RAB2A: variants seen among roughly 807,000 people sequenced by gnomAD.
RAB2A encodes RAB2A, member RAS oncogene family.
RAB2A carries 7 observed loss-of-function variants against 32.5 expected under a neutral mutation model. The ratio of observed to expected loss-of-function variants is 0.22; its 90% CI spans 0.12 to 0.40. The LOEUF (loss-of-function observed/expected upper bound fraction) is 0.40. Among genes scored for constraint, RAB2A ranks in the 10% least tolerant of loss-of-function variants. The probability of loss-of-function intolerance (pLI) is 1.00; values close to 1 mark genes in which losing one functional copy is unlikely to be tolerated. For missense variants in RAB2A, 108 were observed against 260.7 expected, an observed-to-expected ratio of 0.41 and a Z score of 4.03; for synonymous variants, 79 against 85.2, an observed-to-expected ratio of 0.93 and a Z score of 0.40.
chr8:60,608,524 C>G (rs1290647399), intron 6 of RAB2A, among the ~76,000 whole-genome samples: 1 of 146,906 alleles, frequency 6.8e-6, no homozygotes, highest in Non-Finnish European at 1.5e-5. Flanking sequence ...TCTCCTTCTT[C>G]CTCTCCTTCT....
chr8:60,557,644 C>T (rs1427135627), intron 1 of RAB2A, among the ~76,000 whole-genome samples: 1 of 152,174 alleles, frequency 6.6e-6, no homozygotes, highest in Non-Finnish European at 1.5e-5. Flanking sequence ...GTGATCATAG[C>T]AGCCTTGAAC....
At chr8:60,532,355 CA>C (rs1264993537) in intron 1 of RAB2A, among the ~76,000 whole-genome samples, 1 of 152,046 alleles carries the variant, frequency 6.6e-6, no homozygotes, top group Non-Finnish European at 1.5e-5. Flanking sequence ...TTACTTGACA[CA>C]AAAATTAATA....
intron 1 of RAB2A, among the ~76,000 whole-genome samples, chr8:60,541,297 G>A (rs750099093): frequency 1.3e-5 from 2 of 152,050 alleles, no homozygotes; most frequent in Non-Finnish European, 1.5e-5. Context: ...CTTAAAGAAG[G>A]CCTGACAATT....
chr8:60,546,371 C>T (rs1279789673), intron 1 of RAB2A, among the ~76,000 whole-genome samples: 2 of 152,022 alleles, frequency 1.3e-5, no homozygotes, highest in African/African-American at 2.4e-5. Flanking sequence ...TGAGTGTGTT[C>T]GAGGATGGGA....
rs1009663465 is a variant in RAB2A, at chr8:60,517,043, C to T, written c.-165C>T. ...TCCCTCGGCTCTGCGGGTGTCAGTTCGTCCGGCTTCCTCACAGCCCCTCAC... is the reference window on the plus strand; with the variant it reads ...TCCCTCGGCTCTGCGGGTGTCAGTTTGTCCGGCTTCCTCACAGCCCCTCAC... On this transcript the variant is annotated 5_prime_UTR_variant, in exon 1 of 8. Transcript: ENST00000262646. 6.8e-6 allele frequency: 4 copies of T among 589,460 alleles called. No individual in the cohort carries two copies. Among genetic ancestry groups the T allele is most frequent in the Non-Finnish European group, 1.1e-5 (4 of 361,622 alleles). The allele number at this position is 589,460 out of a possible 1,614,324, so 36.5% of individuals were successfully genotyped here.
At chr8:60,566,435 A>C (rs930919605) in intron 2 of RAB2A, among the ~76,000 whole-genome samples, 1 of 151,652 alleles carries the variant, frequency 6.6e-6, no homozygotes, top group Non-Finnish European at 1.5e-5. Flanking sequence ...TTTGTTTGCT[A>C]CTTTGAATTA....
chr8:60,541,297 G>C (rs750099093), intron 1 of RAB2A, among the ~76,000 whole-genome samples: 1 of 152,050 alleles, frequency 6.6e-6, no homozygotes, highest in African/African-American at 2.4e-5. Context: ...CTTAAAGAAG[G>C]CCTGACAATT....
intron 7 of RAB2A, 92 bp downstream of exon 7, chr8:60,618,740 A>G: frequency 6.6e-6 from 3 of 453,698 alleles, no homozygotes; most frequent in Non-Finnish European, 9.3e-6. Context: ...TCATTATTTT[A>G]TAATTTTTTT....
intron 6 of RAB2A, among the ~76,000 whole-genome samples, chr8:60,607,631 A>G (rs951416094): frequency 2.0e-5 from 3 of 152,108 alleles, no homozygotes; most frequent in African/African-American, 4.8e-5. Flanking sequence ...TGTACACTTA[A>G]GAATTCTGTT....
At position 60,565,676 on chromosome 8, in the gene RAB2A, ATTTTTTTTTTTTTTTTTTTTT is replaced by A. The variant is rs71252885; in HGVS notation, c.119-6338_119-6318del. Among the ~76,000 whole-genome samples the A allele has an allele frequency of 5.6e-3, 545 of 97,382 alleles. 15 individuals are homozygous for A. Among genetic ancestry groups the A allele is most frequent in the South Asian group, 9.6e-3 (29 of 3,022 alleles). 63.9% of individuals were successfully genotyped at this position (97,382 alleles called of 152,430 possible). A position where few individuals can be genotyped will look rare whatever the true frequency, so the allele number is the denominator to read the frequency against. ...AGCTCTGAAAAAGTCTCTGTAGCTG[ATTTTTTTTTTTTTTTTTTTTT>A]TTTTTTTTTTTTTTTTTTTTTTTTT... On this transcript the variant is annotated intron_variant, in intron 2 of 7. Coordinates refer to ENST00000262646, the MANE Select transcript of RAB2A (RefSeq NM_002865.3).
At chr8:60,525,321 C>G (rs1325522589) in intron 1 of RAB2A, among the ~76,000 whole-genome samples, 1 of 152,158 alleles carries the variant, frequency 6.6e-6, no homozygotes, top group African/African-American at 2.4e-5. Flanking sequence ...TTTTCTCCTG[C>G]CGCCACGTAA....
intron 5 of RAB2A, chr8:60,591,634 G>A (rs2326571): frequency 0.49 from 177,412 of 365,694 alleles, 48,852 homozygotes; most frequent in African/African-American, 0.88. Flanking sequence ...ACGTTCTAAA[G>A]CTCTAACACA....
intron 1 of RAB2A, chr8:60,558,332 A>G (rs986876940): frequency 4.4e-6 from 2 of 451,690 alleles, no homozygotes; most frequent in Admixed American, 5.0e-5. Flanking sequence ...AACGGGGTCA[A>G]TTTTAATAGA....
intron 1 of RAB2A, among the ~76,000 whole-genome samples, chr8:60,545,778 A>G (rs550048054): frequency 6.6e-6 from 1 of 152,340 alleles, no homozygotes; most frequent in East Asian, 1.9e-4. Context: ...CAGAGTGGTA[A>G]TGATCTGTGT....
At chr8:60,608,392 T>A (rs1804272120) in intron 6 of RAB2A, among the ~76,000 whole-genome samples, 1 of 152,108 alleles carries the variant, frequency 6.6e-6, no homozygotes, top group Non-Finnish European at 1.5e-5. Flanking sequence ...TTCAGTAAAC[T>A]TCTTTCTTAG....
intron 6 of RAB2A, among the ~76,000 whole-genome samples, chr8:60,601,857 A>G (rs1804139580): frequency 6.6e-6 from 1 of 152,176 alleles, no homozygotes. Flanking sequence ...GTAGGCTCAC[A>G]ATGAAGTTGA....
intron 6 of RAB2A, among the ~76,000 whole-genome samples, chr8:60,594,052 A>G (rs1357181244): frequency 1.3e-5 from 2 of 152,188 alleles, no homozygotes; most frequent in African/African-American, 2.4e-5. Context: ...ACTGGATGAT[A>G]GAACAATAGT....
intron 6 of RAB2A, among the ~76,000 whole-genome samples, chr8:60,615,404 A>C (rs1191998584): frequency 6.6e-6 from 1 of 152,202 alleles, no homozygotes; most frequent in East Asian, 1.9e-4. Context: ...TGAGATATTT[A>C]CCAACCAATA....
intron 6 of RAB2A, among the ~76,000 whole-genome samples, chr8:60,615,444 A>T (rs934618377): frequency 2.0e-5 from 3 of 152,318 alleles, no homozygotes; most frequent in Non-Finnish European, 2.9e-5. Flanking sequence ...CATTATATAT[A>T]TATGGAATGC....
Sources: gnomAD v4.1 joint callset for allele counts (sites outside exome capture counted in the v4.1 genomes callset) on GRCh38, gnomAD v4.1.1 for gene constraint, MANE v1.5 for transcripts, NCBI Gene and HGNC (gene_info 2026-07-23, HGNC 2026-07-21) for gene names.